The following GAB1 variants were observed in gnomAD, a reference collection of about 807,000 sequenced individuals.
GAB1 encodes GRB2-associated-binding protein 1.
GAB1 carries 19 observed loss-of-function variants against 66.5 expected under a neutral mutation model. The observed-to-expected ratio is 0.29, with a 90% CI of 0.20 to 0.42. The LOEUF is 0.42. GAB1 is among the 10% of genes least tolerant of loss of function. GAB1 has a pLI of 1.00. For synonymous variants in GAB1, 294 were observed against 301.4 expected, an observed-to-expected ratio of 0.98 and a Z score of 0.25; for missense variants, 732 against 858.5, an observed-to-expected ratio of 0.85 and a Z score of 1.84.
intron 1 of GAB1, among the ~76,000 whole-genome samples, chr4:143,398,337 C>A (rs1731566770): frequency 6.6e-6 from 1 of 152,186 alleles, no homozygotes; most frequent in Non-Finnish European, 1.5e-5. Context: ...TTGTATGGAT[C>A]TCTCATTTGA....
At chr4:143,384,560 T>G (rs1222183812) in intron 1 of GAB1, among the ~76,000 whole-genome samples, 1 of 152,178 alleles carries the variant, frequency 6.6e-6, no homozygotes, top group Non-Finnish European at 1.5e-5. Context: ...GTCCTCATGA[T>G]CGATGCCAAG....
chr4:143,431,004 G>A (rs1733621895), intron 2 of GAB1, among the ~76,000 whole-genome samples: 1 of 152,084 alleles, frequency 6.6e-6, no homozygotes, highest in South Asian at 2.1e-4. Context: ...TGAACTAAAA[G>A]GTACCACACA....
chr4:143,466,455 C>CA (rs1040458110), intron 9 of GAB1, among the ~76,000 whole-genome samples: 4 of 146,278 alleles, frequency 2.7e-5, no homozygotes, highest in African/African-American at 1.0e-4. Context: ...TAGTGGTTAC[C>CA]ATTGAAATAG....
At chr4:143,454,314 C>T (rs1735074653) in intron 6 of GAB1, among the ~76,000 whole-genome samples, 1 of 152,096 alleles carries the variant, frequency 6.6e-6, no homozygotes, top group African/African-American at 2.4e-5. Flanking sequence ...ATTGAAGTAG[C>T]TGGATACTAT....
At chr4:143,455,146 A>C (rs28925924) in intron 6 of GAB1, among the ~76,000 whole-genome samples, 1 of 151,996 alleles carries the variant, frequency 6.6e-6, no homozygotes, top group Non-Finnish European at 1.5e-5. Flanking sequence ...GTTGTCATAT[A>C]GGGAAATCAT....
chr4:143,407,178 A>C (rs190366915), intron 1 of GAB1, among the ~76,000 whole-genome samples: 4 of 152,228 alleles, frequency 2.6e-5, no homozygotes, highest in African/African-American at 7.2e-5. Context: ...TCATTGCTTT[A>C]ATCAGATGCT....
chr4:143,402,653 G>A (rs562321899), intron 1 of GAB1, among the ~76,000 whole-genome samples: 1 of 152,248 alleles, frequency 6.6e-6, no homozygotes, highest in Non-Finnish European at 1.5e-5. Context: ...ATTAAATAGG[G>A]GAATAGGTAC....
intron 6 of GAB1, among the ~76,000 whole-genome samples, chr4:143,448,857 T>C (rs1345919260): frequency 1.3e-5 from 2 of 150,608 alleles, no homozygotes; most frequent in African/African-American, 2.5e-5. Context: ...GCTCTTGCTT[T>C]TCTAGTTCTT....
intron 1 of GAB1, among the ~76,000 whole-genome samples, chr4:143,339,491 A>C (rs1728759268): frequency 1.3e-5 from 2 of 152,274 alleles, no homozygotes; most frequent in Non-Finnish European, 2.9e-5. Context: ...AGCCTGGATG[A>C]CAGGGTGAGA....
At chr4:143,444,926 G>T (rs141056823) in intron 6 of GAB1, among the ~76,000 whole-genome samples, 74 of 152,216 alleles carry the variant, frequency 4.9e-4, no homozygotes, top group African/African-American at 1.6e-3. Context: ...TGCTGCAAAG[G>T]AAATGATTTC....
In GAB1 at chr4:143,415,524, A is replaced by G. The variant is rs1732634935; in HGVS notation, c.120A>G (p.Gly40=). 6.2e-7 allele frequency: 1 copy of G among 1,613,112 alleles called. No homozygotes were observed. Among genetic ancestry groups the G allele is most frequent in the Non-Finnish European group, 8.5e-7 (1 of 1,179,398 alleles). The change falls in exon 2 of 10, where the codon GGA becomes GGG. Residue 40 remains glycine (G), a synonymous_variant. Transcript: ENST00000262994. ...TGTTACGCAGTGGCCGTTTAACTGG[A>G]GATCCAGATGTTTTGGAATATTACA... is the stretch of plus-strand genomic sequence containing the variant. ...WFVLRSGRLT[G]DPDVLEYYKN... is the part of the protein sequence containing the mutation.
chr4:143,413,880 C>T (rs530184716), intron 1 of GAB1, among the ~76,000 whole-genome samples: 4 of 129,632 alleles, frequency 3.1e-5, no homozygotes, highest in East Asian at 4.3e-4. Context: ...CAGGCTGGAG[C>T]GCAGTGATCT....
intron 6 of GAB1, among the ~76,000 whole-genome samples, chr4:143,446,664 GT>G (rs201124497): frequency 0.036 from 5,451 of 152,218 alleles, 323 homozygotes; most frequent in African/African-American, 0.12. Flanking sequence ...TTGTAAATTT[GT>G]TTGAGTTCAT....
At chr4:143,375,314 A>G (rs547610803) in intron 1 of GAB1, among the ~76,000 whole-genome samples, 5 of 152,350 alleles carry the variant, frequency 3.3e-5, no homozygotes, top group East Asian at 1.9e-4. Flanking sequence ...AAACTTGCCA[A>G]TGAAAGCTCC....
At chr4:143,458,082 T>C (rs1735288434) in intron 6 of GAB1, among the ~76,000 whole-genome samples, 1 of 152,192 alleles carries the variant, frequency 6.6e-6, no homozygotes, top group African/African-American at 2.4e-5. Context: ...TTCTGTTGTC[T>C]TCTGTCTTTA....
At chr4:143,445,987 C>T (rs1578728719) in intron 6 of GAB1, among the ~76,000 whole-genome samples, 1 of 152,078 alleles carries the variant, frequency 6.6e-6, no homozygotes, top group African/African-American at 2.4e-5. Flanking sequence ...TGTTCCCCTT[C>T]CTGTGTCCAT....
intron 1 of GAB1, among the ~76,000 whole-genome samples, chr4:143,409,393 C>CA (rs940853861): frequency 2.0e-5 from 3 of 149,734 alleles, no homozygotes; most frequent in African/African-American, 4.9e-5. Flanking sequence ...CTTTCCCCCC[C>CA]CCCGCTCTGA....
intron 1 of GAB1, among the ~76,000 whole-genome samples, chr4:143,414,165 C>G (rs1732556689): frequency 6.6e-6 from 1 of 152,042 alleles, no homozygotes; most frequent in Admixed American, 6.5e-5. Context: ...AATGTTGAAT[C>G]TGGAGCAGAG....
At chr4:143,435,217 A>G (rs1443651549) in intron 3 of GAB1, among the ~76,000 whole-genome samples, 1 of 152,180 alleles carries the variant, frequency 6.6e-6, no homozygotes, top group African/African-American at 2.4e-5. Flanking sequence ...AGATGATGGA[A>G]ATAGCTCATA....
Sources: allele counts gnomAD v4.1 joint callset (sites outside exome capture counted in the v4.1 genomes callset), GRCh38; gene constraint gnomAD v4.1.1; transcripts MANE v1.5; gene names NCBI Gene and HGNC (gene_info 2026-07-23, HGNC 2026-07-21).